PDE6D: variants seen among roughly 807,000 people sequenced by gnomAD.
The protein encoded by PDE6D is retinal rod rhodopsin-sensitive cGMP 3',5'-cyclic phosphodiesterase subunit delta.
Under a neutral mutation model 21.9 loss-of-function variants are expected in PDE6D, and 10 were observed. The ratio of observed to expected loss-of-function variants is 0.46; its 90% CI spans 0.28 to 0.78. The LOEUF is 0.78. PDE6D is among the 30% of genes least tolerant of loss of function. PDE6D has a pLI of 0.12. For missense variants in PDE6D, 139 were observed against 184.8 expected, an observed-to-expected ratio of 0.75 and a Z score of 1.44; for synonymous variants, 59 against 63.5, an observed-to-expected ratio of 0.93 and a Z score of 0.34.
At chr2:231,763,919 T>C (rs2048951117) in intron 1 of PDE6D, among the ~76,000 whole-genome samples, 1 of 151,626 alleles carries the variant, frequency 6.6e-6, no homozygotes, top group South Asian at 2.1e-4. Flanking sequence ...GATTACAAGC[T>C]TGAGCCACCA....
intron 1 of PDE6D, among the ~76,000 whole-genome samples, chr2:231,746,158 T>C (rs908458191): frequency 7.2e-5 from 11 of 152,196 alleles, no homozygotes; most frequent in African/African-American, 2.4e-4. Context: ...TATTTTATTT[T>C]TGAGACGGAG....
At chr2:231,774,615 GTC>G (rs1362879342) in intron 1 of PDE6D, among the ~76,000 whole-genome samples, 1 of 150,388 alleles carries the variant, frequency 6.6e-6, no homozygotes, top group Admixed American at 6.6e-5. Context: ...TTGAGACTGA[GTC>G]TCTCTCTGTC....
At chr2:231,745,892 TG>T (rs2048790112) in intron 1 of PDE6D, among the ~76,000 whole-genome samples, 1 of 151,614 alleles carries the variant, frequency 6.6e-6, no homozygotes, top group African/African-American at 2.4e-5. Context: ...AGGAGGTGGG[TG>T]GTAGAATGGG....
At chr2:231,737,734 A>C (rs2048712828) in intron 3 of PDE6D, 3 of 387,226 alleles carry the variant, frequency 7.7e-6, no homozygotes, top group African/African-American at 2.0e-5. Flanking sequence ...TGCTCATAGC[A>C]GCTTCCTCCA....
chr2:231,760,584 C>CTA (rs2048917972), intron 1 of PDE6D, among the ~76,000 whole-genome samples: 1 of 152,120 alleles, frequency 6.6e-6, no homozygotes, highest in Non-Finnish European at 1.5e-5. Context: ...ACACCCCCAG[C>CTA]TATCCTGCAT....
intron 1 of PDE6D, among the ~76,000 whole-genome samples, chr2:231,752,670 T>C (rs1326536115): frequency 6.6e-6 from 1 of 152,070 alleles, no homozygotes; most frequent in African/African-American, 2.4e-5. Context: ...CTGGAAAACC[T>C]GCTGCAATCT....
chr2:231,779,168 G>C (rs1463555214), intron 1 of PDE6D: 1 of 152,194 alleles, frequency 6.6e-6, no homozygotes. Context: ...TGATGTGGCT[G>C]CTTCCCTTGT....
At position 231,739,254 on chromosome 2, in the gene PDE6D, C is replaced by T. The variant is rs756923049; in HGVS notation, c.51-66G>A. The T allele has an allele frequency of 5.4e-6, 5 of 927,496 alleles. No homozygotes were observed. The highest frequency in any genetic ancestry group is 2.6e-5 in the South Asian group (2 of 77,220). The allele number at this position is 927,496 out of a possible 1,614,324, so 57.5% of individuals were successfully genotyped here. A position where few individuals can be genotyped will look rare whatever the true frequency, so the allele number is the denominator to read the frequency against. ...GACTCCCACTTTGTATTCTAGGTGT[C>T]TCATGTTTACTCCCACCAACTCTTG... On this transcript the variant is annotated intron_variant, in intron 1 of 4. Transcript: ENST00000287600. This position sits in a 1 kb window ranked among gnomAD's most constrained non-coding sequence, Gnocchi z 4.2.
At chr2:231,745,231 C>CA (rs1216652746) in intron 1 of PDE6D, among the ~76,000 whole-genome samples, 2 of 151,216 alleles carry the variant, frequency 1.3e-5, no homozygotes, top group Non-Finnish European at 2.9e-5. Context: ...CAAAAACACA[C>CA]AAAAAAAACC....
At chr2:231,744,639 G>A (rs1021890185) in intron 1 of PDE6D, among the ~76,000 whole-genome samples, 1 of 151,990 alleles carries the variant, frequency 6.6e-6, no homozygotes, top group Non-Finnish European at 1.5e-5. Context: ...CTCCATGTTG[G>A]TCAGGCTGGT....
chr2:231,737,906 G>T, intron 3 of PDE6D, 107 bp downstream of exon 3: 1 of 1,097,500 alleles, frequency 9.1e-7, no homozygotes, highest in Non-Finnish European at 1.3e-6. Context: ...CACAAACTGA[G>T]TTGTAAAAGG....
intron 1 of PDE6D, among the ~76,000 whole-genome samples, chr2:231,766,514 C>G (rs2048972024): frequency 6.6e-6 from 1 of 152,134 alleles, no homozygotes; most frequent in African/African-American, 2.4e-5. Context: ...AGAAATAATA[C>G]AAGGCCTTTT....
At chr2:231,746,291 G>T (rs1385280763) in intron 1 of PDE6D, among the ~76,000 whole-genome samples, 6 of 151,884 alleles carry the variant, frequency 4.0e-5, no homozygotes, top group African/African-American at 1.5e-4. Context: ...ACATGTGCCC[G>T]CCCCCATGTC....
At position 231,739,095 on chromosome 2, in the gene PDE6D, A is replaced by G; in HGVS notation, c.139+5T>C. 1 of 1,594,880 alleles carries G rather than the reference A, an allele frequency of 6.3e-7. No individual in the cohort carries two copies. Among genetic ancestry groups the G allele is most frequent in the Non-Finnish European group, 8.6e-7 (1 of 1,163,168 alleles). On this transcript the variant is annotated splice_donor_5th_base_variant and intron_variant, in intron 2 of 4. Coordinates refer to ENST00000287600, the MANE Select transcript of PDE6D (RefSeq NM_002601.4). This position sits in a 1 kb window ranked among gnomAD's most constrained non-coding sequence, Gnocchi z 4.2. ...GCCCTGTGTAGATAAAGGGTTGGAA[A>G]GTACCTTCATGCTCCACACCAGGGA... is the stretch of plus-strand genomic sequence containing the variant.
At chr2:231,754,388 CCTCT>C (rs2048866805) in intron 1 of PDE6D, among the ~76,000 whole-genome samples, 1 of 149,258 alleles carries the variant, frequency 6.7e-6, no homozygotes, top group African/African-American at 2.5e-5. Flanking sequence ...ACGGAGTCTC[CCTCT>C]GTTGCCCAGG....
chr2:231,769,425 C>T (rs994079593), intron 1 of PDE6D, among the ~76,000 whole-genome samples: 2 of 152,090 alleles, frequency 1.3e-5, no homozygotes, highest in Non-Finnish European at 2.9e-5. Context: ...TTAGCAGTGA[C>T]CTGGTGAAAA....
chr2:231,739,007 G>T lies in PDE6D; in HGVS notation c.139+93C>A, dbSNP rs527523286. ...ATGCTGTGTCTTCAGGGGCTCACCCGCCTATTAGGTATGTGTTAACTTAGC... is the reference window on the plus strand; with the variant it reads ...ATGCTGTGTCTTCAGGGGCTCACCCTCCTATTAGGTATGTGTTAACTTAGC... On this transcript the variant is annotated intron_variant, in intron 2 of 4. Coordinates refer to ENST00000287600, the MANE Select transcript of PDE6D (RefSeq NM_002601.4). The surrounding 1 kb of genome is among the most constrained non-coding windows in gnomAD (Gnocchi z 4.2). The T allele has an allele frequency of 1.3e-5, 8 of 638,722 alleles. No individual in the cohort carries two copies. The highest frequency in any genetic ancestry group is 2.0e-5 in the Non-Finnish European group (7 of 350,590). The allele number at this position is 638,722 out of a possible 1,614,324, so 39.6% of individuals were successfully genotyped here.
At chr2:231,765,480 C>G (rs2048962405) in intron 1 of PDE6D, among the ~76,000 whole-genome samples, 1 of 152,166 alleles carries the variant, frequency 6.6e-6, no homozygotes, top group Non-Finnish European at 1.5e-5. Context: ...CATGACTTGA[C>G]AGAGTACTCA....
rs572431177 is a variant in PDE6D, at chr2:231,766,951, G to A, written c.50+14114C>T. Among the ~76,000 whole-genome samples the A allele has an allele frequency of 6.8e-5, 9 of 132,430 alleles. No individual in the cohort carries two copies. In the East Asian group the frequency reaches 1.8e-3, roughly 27 times the overall value. The allele number at this position is 132,430 out of a possible 152,430, so 86.9% of individuals were successfully genotyped here. ...GGAGGTTGCAGGGAGCTGAGATCAC[G>A]CCACTGCACTCCAGCCTGGGTGACA... On this transcript the variant is annotated intron_variant, in intron 1 of 4. Coordinates refer to ENST00000287600, the MANE Select transcript of PDE6D (RefSeq NM_002601.4).
Sources: allele counts gnomAD v4.1 joint callset (sites outside exome capture counted in the v4.1 genomes callset), GRCh38; gene constraint gnomAD v4.1.1; non-coding constraint Gnocchi (gnomAD v3.1); transcripts MANE v1.5; gene names NCBI Gene and HGNC (gene_info 2026-07-23, HGNC 2026-07-21).